Variants in HSD17B4 observed in about 807,000 individuals in gnomAD.
The protein encoded by HSD17B4 is hydroxysteroid 17-beta dehydrogenase 4.
A neutral mutation model predicts 101.0 loss-of-function variants in HSD17B4; 70 were observed. The observed-to-expected ratio is 0.69, with a 90% CI of 0.57 to 0.85. The LOEUF (loss-of-function observed/expected upper bound fraction) is 0.85. Among genes scored for constraint, HSD17B4 ranks in the 40% least tolerant of loss-of-function variants. The probability of loss-of-function intolerance (pLI) is 0.00; values close to 1 mark genes in which losing one functional copy is unlikely to be tolerated. For missense variants in HSD17B4, 984 were observed against 892.4 expected, an observed-to-expected ratio of 1.10 and a Z score of -1.31; for synonymous variants, 347 against 297.1, an observed-to-expected ratio of 1.17 and a Z score of -1.73.
At chr5:119,475,633 A>T in intron 4 of HSD17B4, 73 bp from the exon 5 acceptor site, 3 of 1,200,974 alleles carry the variant, frequency 2.5e-6, no homozygotes, top group Non-Finnish European at 3.7e-6. Flanking sequence ...GTTTTGAGAG[A>T]AATGTGAGTT....
chr5:119,468,254 C>G (rs943521373), intron 2 of HSD17B4, among the ~76,000 whole-genome samples: 10 of 152,248 alleles, frequency 6.6e-5, no homozygotes, highest in Admixed American at 3.9e-4. Context: ...CATCCTTTCA[C>G]TTTCAAGTGT....
intron 12 of HSD17B4, 68 bp downstream of exon 12, chr5:119,496,714 C>T: frequency 1.2e-6 from 1 of 842,562 alleles, no homozygotes; most frequent in South Asian, 1.3e-5. Context: ...TCCCTCCCTG[C>T]TTTCTTCCTC....
intron 13 of HSD17B4, among the ~76,000 whole-genome samples, chr5:119,500,879 G>T (rs553693606): frequency 2.8e-4 from 43 of 152,220 alleles, no homozygotes; most frequent in African/African-American, 9.9e-4. Flanking sequence ...TTTATTTCTT[G>T]GAGTAAGATT....
intron 8 of HSD17B4, among the ~76,000 whole-genome samples, chr5:119,484,206 T>A (rs1217354817): frequency 1.3e-5 from 2 of 152,096 alleles, no homozygotes; most frequent in Non-Finnish European, 2.9e-5. Context: ...AGACCCTCCC[T>A]TAAAAAGAAA....
At chr5:119,492,028 T>C (rs996920237) in intron 9 of HSD17B4, 72 bp from the exon 10 acceptor site, 16 of 1,283,964 alleles carry the variant, frequency 1.2e-5, no homozygotes, top group Non-Finnish European at 1.7e-5. Flanking sequence ...GAGCTGACTT[T>C]TTTCTAATTA....
chr5:119,467,989 C>T (rs1343374873), intron 2 of HSD17B4, among the ~76,000 whole-genome samples: 1 of 152,096 alleles, frequency 6.6e-6, no homozygotes, highest in Non-Finnish European at 1.5e-5. Context: ...TCTATCCAGC[C>T]AATCTCTTTA....
intron 2 of HSD17B4, among the ~76,000 whole-genome samples, chr5:119,459,873 C>CTT (rs545329527): frequency 5.6e-5 from 8 of 142,440 alleles, no homozygotes; most frequent in African/African-American, 1.0e-4. Context: ...CCCCACATCT[C>CTT]TTTTTTTTTT....
chr5:119,492,941 A>G (rs1306267798), intron 10 of HSD17B4: 1 of 152,154 alleles, frequency 6.6e-6, no homozygotes, highest in Non-Finnish European at 1.5e-5. Context: ...TCTGGAGGGC[A>G]TTGCTGTAGT....
At chr5:119,526,370 A>C (rs1255551195) in intron 19 of HSD17B4, among the ~76,000 whole-genome samples, 1 of 151,784 alleles carries the variant, frequency 6.6e-6, no homozygotes, top group African/African-American at 2.4e-5. Context: ...TTTAATTAAA[A>C]ATGTTAAGTG....
At chr5:119,525,509 G>A (rs1278110127) in intron 18 of HSD17B4, among the ~76,000 whole-genome samples, 3 of 152,110 alleles carry the variant, frequency 2.0e-5, no homozygotes, top group Admixed American at 6.6e-5. Flanking sequence ...CCGCTAGTGC[G>A]AGGTCTAGGA....
chr5:119,537,554 T>C (rs1382793843), intron 23 of HSD17B4, among the ~76,000 whole-genome samples: 1 of 152,156 alleles, frequency 6.6e-6, no homozygotes, highest in East Asian at 1.9e-4. Flanking sequence ...AACCCTACTG[T>C]ATGGAGCTTC....
chr5:119,531,310 C>A lies in HSD17B4; in HGVS notation c.1899C>A (p.Arg633=), dbSNP rs755166558. 2 of 1,613,226 alleles carry A rather than the reference C, an allele frequency of 1.2e-6. No homozygotes were observed. Among genetic ancestry groups the A allele is most frequent in the East Asian group, 4.5e-5 (2 of 44,866 alleles). The change falls in exon 22 of 24, where the codon CGC becomes CGA. Residue 633 remains arginine (R), a synonymous_variant. Coordinates refer to ENST00000510025, the MANE Select transcript of HSD17B4 (RefSeq NM_000414.4). ...QSTFVFEEIG[R]RLKDIGPEVV... ...CCTTTGTATTTGAGGAAATAGGACG[C>A]CGCCTAAAGGATATTGGGCCTGAGG...
At chr5:119,480,419 T>C (rs886635394) in intron 8 of HSD17B4, among the ~76,000 whole-genome samples, 6 of 152,074 alleles carry the variant, frequency 3.9e-5, no homozygotes, top group African/African-American at 1.4e-4. Context: ...ACATCACACA[T>C]TGGTAGGATC....
At position 119,493,822 on chromosome 5, in the gene HSD17B4, C is replaced by G. The variant is rs1488686391; in HGVS notation, c.744C>G (p.Arg248=). The change falls in exon 11 of 24, where the codon CGC becomes CGG. Residue 248 remains arginine, a synonymous_variant. Coordinates refer to ENST00000510025, the MANE Select transcript of HSD17B4 (RefSeq NM_000414.4). ...EVGAGWIGKL[R]WERTLGAIVR... ...TAGTTTTGTTTCTATAACCAGTACG[C>G]TGGGAGCGGACTCTTGGAGCTATTG... 9 of 1,612,752 alleles carry G rather than the reference C, an allele frequency of 5.6e-6. No homozygotes were observed. The highest frequency in any genetic ancestry group is 7.6e-6 in the Non-Finnish European group (9 of 1,179,146).
intron 16 of HSD17B4, among the ~76,000 whole-genome samples, chr5:119,514,443 A>G (rs1301112521): frequency 6.6e-6 from 1 of 152,150 alleles, no homozygotes; most frequent in Non-Finnish European, 1.5e-5. Flanking sequence ...GTTTAAATCA[A>G]CCCTAAACTG....
chr5:119,521,846 T>G (rs1753139560), intron 17 of HSD17B4, among the ~76,000 whole-genome samples: 1 of 151,950 alleles, frequency 6.6e-6, no homozygotes, highest in African/African-American at 2.4e-5. Context: ...TTTCTTCTGT[T>G]TGGCAGTTTG....
intron 11 of HSD17B4, 89 bp from the exon 12 acceptor site, chr5:119,496,454 A>G: frequency 1.3e-6 from 1 of 789,192 alleles, no homozygotes. Flanking sequence ...GCTGAATGTT[A>G]TAGGAATAAT....
At chr5:119,517,455 C>T (rs1489699852) in intron 17 of HSD17B4, among the ~76,000 whole-genome samples, 1 of 152,250 alleles carries the variant, frequency 6.6e-6, no homozygotes, top group Non-Finnish European at 1.5e-5. Flanking sequence ...CCACGGCGCC[C>T]AGTCCCATCG....
chr5:119,503,322 A>G (rs901607533), intron 14 of HSD17B4, among the ~76,000 whole-genome samples: 1 of 152,052 alleles, frequency 6.6e-6, no homozygotes, highest in African/African-American at 2.4e-5. Flanking sequence ...AGTGATGATA[A>G]CTGAACAGTG....
Sources: gnomAD v4.1 joint callset for allele counts (sites outside exome capture counted in the v4.1 genomes callset) on GRCh38, gnomAD v4.1.1 for gene constraint, MANE v1.5 for transcripts, NCBI Gene and HGNC (gene_info 2026-07-23, HGNC 2026-07-21) for gene names.